RTL1: variants seen among roughly 807,000 people sequenced by gnomAD.
RTL1 encodes retrotransposon-like protein 1.
For synonymous variants in RTL1, 727 were observed against 748.4 expected (o/e 0.97, Z 0.47); for missense variants, 1,681 against 1,767.5 (o/e 0.95, Z 0.88).
chr14:100,890,541 G>A (rs2038760279), intron 3 of RTL1, among the ~76,000 whole-genome samples: 1 of 151,908 alleles, frequency 6.6e-6, no homozygotes, highest in Non-Finnish European at 1.5e-5. Context: ...AGCTGGTGAG[G>A]AGTGGGGAGG....
chr14:100,891,778 C>T (rs1197886192), intron 3 of RTL1, among the ~76,000 whole-genome samples: 5 of 152,178 alleles, frequency 3.3e-5, no homozygotes, highest in African/African-American at 7.2e-5. Flanking sequence ...AGGTCTGCAC[C>T]GGCCTCCTAG....
Position 100,881,142 on chromosome 14 carries a change from T to A in RTL1, c.3647A>T (p.Gln1216Leu). The change falls in exon 4 of 4, where the codon CAG (glutamine) becomes CTG (leucine). Residue 1216 changes from glutamine to leucine, a missense_variant. Transcript: ENST00000649591. This position sits in a 1 kb window ranked among gnomAD's most constrained non-coding sequence, Gnocchi z 6.6. Reference sequence around the variant, plus strand: ...GACGTGCAGCTCCAGGTAGCGGTTCTGACGCAGGGCAGGGAGGTGGCCCTC... The same window carrying A: ...GACGTGCAGCTCCAGGTAGCGGTTCAGACGCAGGGCAGGGAGGTGGCCCTC... ...PQEGHLPALRQNRYLELHVVG... is the reference protein window; with the variant it reads ...PQEGHLPALRLNRYLELHVVG... 3 of 1,555,822 alleles carry A rather than the reference T, an allele frequency of 1.9e-6. No individual in the cohort carries two copies. The highest frequency in any genetic ancestry group is 1.9e-5 in the Admixed American group (1 of 52,704).
Position 100,881,161 on chromosome 14 carries a change from G to T in RTL1, c.3628C>A (p.His1210Asn). 1 of 1,543,234 alleles carries T rather than the reference G, an allele frequency of 6.5e-7. No individual in the cohort carries two copies. The highest frequency in any genetic ancestry group is 8.8e-7 in the Non-Finnish European group (1 of 1,142,746). The change falls in exon 4 of 4, where the codon CAC becomes AAC. Residue 1210 changes from histidine (H) to asparagine (N), a missense_variant. By Grantham distance (68) the His-to-Asn change is moderately conservative. Transcript: ENST00000649591. The surrounding 1 kb of genome is among the most constrained non-coding windows in gnomAD (Gnocchi z 6.6). ...CGGTTCTGACGCAGGGCAGGGAGGT[G>T]GCCCTCCTGGGGGGTGACTCTGACA... ...FGVRVTPQEGHLPALRQNRYL... is the reference protein window; with the variant it reads ...FGVRVTPQEGNLPALRQNRYL...
At chr14:100,897,617 G>A (rs1007149646) in intron 2 of RTL1, 2 of 153,344 alleles carry the variant, frequency 1.3e-5, no homozygotes, top group Admixed American at 6.5e-5. Flanking sequence ...TCCTTCAAGA[G>A]TCTGCTTAGA....
chr14:100,885,030 G>T (rs528654264), intron 3 of RTL1, among the ~76,000 whole-genome samples, 156 bp from the exon 4 acceptor site: 2 of 152,334 alleles, frequency 1.3e-5, no homozygotes, highest in African/African-American at 2.4e-5. Context: ...CTCTTTGGCT[G>T]GTCACTTGGG....
In RTL1 at chr14:100,880,997, C is replaced by T. The variant is rs1455444372; in HGVS notation, c.3792G>A (p.Val1264=). 1.3e-6 allele frequency: 2 copies of T among 1,566,040 alleles called. No individual in the cohort carries two copies. The highest frequency in any genetic ancestry group is 8.7e-7 in the Non-Finnish European group (1 of 1,156,038). Reference sequence around the variant, plus strand: ...CTGTGTGGCTGGGTGGGGCCTCCTGCACGTCGTTGTCCTGCTTGTCCTGCG... The same window carrying T: ...CTGTGTGGCTGGGTGGGGCCTCCTGTACGTCGTTGTCCTGCTTGTCCTGCG... The part of the protein sequence containing the change: ...DTSQDKQDND[V]QEAPPSHTAA... The change falls in exon 4 of 4, where the codon GTG becomes GTA. Residue 1264 remains valine (V), a synonymous_variant. Transcript: ENST00000649591.
intron 2 of RTL1, chr14:100,897,758 G>GC (rs773513212): frequency 1.6e-5 from 2 of 127,338 alleles, no homozygotes; most frequent in African/African-American, 8.1e-5. Context: ...TGGCGGGGGG[G>GC]GGGGTGGGGG....
chr14:100,897,763 T>TGGGGGGGGGGGGGGGGGGG (rs1566760864), intron 2 of RTL1: 1 of 26,742 alleles, frequency 3.7e-5, no homozygotes, highest in Non-Finnish European at 7.4e-5. Flanking sequence ...GGGGGGGGGG[T>TGGGGGGGGGGGGGGGGGGG]GGGGGGGTGG....
chr14:100,881,686 T>C lies in RTL1; in HGVS notation c.3103A>G (p.Asn1035Asp). Residue 1035 changes from asparagine (N) to aspartate (D), a missense_variant, in exon 4 of 4, where the codon AAT (asparagine) becomes GAT (aspartate). Transcript: ENST00000649591. The surrounding 1 kb of genome is among the most constrained non-coding windows in gnomAD (Gnocchi z 6.6). The part of the protein sequence containing the change: ...DPSTESGEEE[N>D]EEQDELNEQI... Reference sequence around the variant, plus strand: ...TCATTGAGCTCATCCTGTTCTTCATTCTCTTCTTCCCCGGATTCCGTCGAT... The same window carrying C: ...TCATTGAGCTCATCCTGTTCTTCATCCTCTTCTTCCCCGGATTCCGTCGAT... 6.4e-7 allele frequency: 1 copy of C among 1,558,700 alleles called. No homozygotes were observed. The highest frequency in any genetic ancestry group is 8.7e-7 in the Non-Finnish European group (1 of 1,150,724).
At position 100,881,748 on chromosome 14, in the gene RTL1, G is replaced by T. The variant is rs1421820183; in HGVS notation, c.3041C>A (p.Thr1014Asn). 4 of 1,611,496 alleles carry T rather than the reference G, an allele frequency of 2.5e-6. No individual in the cohort carries two copies. Among genetic ancestry groups the T allele is most frequent in the Non-Finnish European group, 3.4e-6 (4 of 1,178,672 alleles). ...GAATCCCCTTGAGGCCAGCAGCAGG[G>T]TTTGCCTGGCGGCAGTGTTCCTCTG... is the stretch of plus-strand genomic sequence containing the variant. Reference protein sequence around the residue: ...AFQRNTAARQTLLLASRGFPR... With the variant: ...AFQRNTAARQNLLLASRGFPR... Residue 1014 changes from threonine (T) to asparagine (N), a missense_variant, in exon 4 of 4, where the codon ACC becomes AAC. Transcript: ENST00000649591. This position sits in a 1 kb window ranked among gnomAD's most constrained non-coding sequence, Gnocchi z 6.6.
chr14:100,885,626 T>C (rs745841030), intron 3 of RTL1, among the ~76,000 whole-genome samples: 1 of 152,096 alleles, frequency 6.6e-6, no homozygotes, highest in African/African-American at 2.4e-5. Flanking sequence ...CCAATTTCTC[T>C]TTCTCGATTT....
chr14:100,881,523 G>A lies in RTL1; in HGVS notation c.3266C>T (p.Thr1089Ile). Reference protein sequence around the residue: ...FFRGLLYWKNTLALAAILVLL... With the variant: ...FFRGLLYWKNILALAAILVLL... ...CACGAGGATGGCTGCCAGGGCTAGG[G>A]TGTTCTTCCAGTACAGGAGGCCTCG... The change falls in exon 4 of 4, where the codon ACC (threonine) becomes ATC (isoleucine). Residue 1089 changes from threonine (T) to isoleucine (I), a missense_variant. By Grantham distance (89) the Thr-to-Ile change is moderately conservative (BLOSUM62 -1). Coordinates refer to ENST00000649591, the MANE Select transcript of RTL1 (RefSeq NM_001134888.3). The surrounding 1 kb of genome is among the most constrained non-coding windows in gnomAD (Gnocchi z 6.6). 1.9e-6 allele frequency: 3 copies of A among 1,551,738 alleles called. No individual in the cohort carries two copies. The highest frequency in any genetic ancestry group is 2.4e-5 in the South Asian group (2 of 84,068).
chr14:100,891,300 T>C (rs2038774182), intron 3 of RTL1, among the ~76,000 whole-genome samples: 1 of 152,214 alleles, frequency 6.6e-6, no homozygotes, highest in Non-Finnish European at 1.5e-5. Flanking sequence ...ATTCCCTCTC[T>C]TCCCCTATGG....
At chr14:100,901,058 A>G (rs1431268724) in intron 2 of RTL1, among the ~76,000 whole-genome samples, 1 of 152,176 alleles carries the variant, frequency 6.6e-6, no homozygotes, top group Non-Finnish European at 1.5e-5. Flanking sequence ...CTGCAACACG[A>G]TGCTGCCCCC....
chr14:100,894,141 C>T (rs2038821126), intron 2 of RTL1, among the ~76,000 whole-genome samples: 1 of 151,960 alleles, frequency 6.6e-6, no homozygotes, highest in Admixed American at 6.6e-5. Context: ...GAAACCTTGT[C>T]TCTACTAAAA....
At chr14:100,896,078 A>G (rs2038851612) in intron 2 of RTL1, among the ~76,000 whole-genome samples, 1 of 152,086 alleles carries the variant, frequency 6.6e-6, no homozygotes, top group Non-Finnish European at 1.5e-5. Context: ...CTCAAAAAAA[A>G]AAAAAAGAAA....
At chr14:100,886,167 AC>A (rs1169032676) in intron 3 of RTL1, among the ~76,000 whole-genome samples, 1 of 149,392 alleles carries the variant, frequency 6.7e-6, no homozygotes, top group Non-Finnish European at 1.5e-5. Flanking sequence ...TAAATTTAAC[AC>A]CTTTTGTTAC....
Position 100,880,575 on chromosome 14 carries a change from C to T in RTL1, c.*137G>A. On this transcript the variant is annotated 3_prime_UTR_variant, in exon 4 of 4. Transcript: ENST00000649591. ...ATGAGTTGAAGAAGTTGTTGCCCTT[C>T]ACAAGTGGGTTCCTCTTGGGTCAGG... The T allele has an allele frequency of 6.9e-7, 1 of 1,458,194 alleles. No homozygotes were observed. The highest frequency in any genetic ancestry group is 9.1e-7 in the Non-Finnish European group (1 of 1,104,894). 90.3% of individuals were successfully genotyped at this position (1,458,194 alleles called of 1,614,324 possible).
rs535281505 is a variant in RTL1 at position 100,884,681 on chromosome 14, C to G, written c.108G>C (p.Thr36=). Reference sequence around the variant, plus strand: ...CCTCTCCCCGCACTCCACTGCCCGACGTCGCCTCGGTGGTGTTGGATGAGC... The same window carrying G: ...CCTCTCCCCGCACTCCACTGCCCGAGGTCGCCTCGGTGGTGTTGGATGAGC... ...SEGSSNTTEA[T]SGSGVRGEAG... Residue 36 remains threonine (T), a synonymous_variant, in exon 4 of 4, where the codon ACG becomes ACC. Transcript: ENST00000649591. The G allele has an allele frequency of 3.1e-6, 5 of 1,613,750 alleles. No homozygotes were observed. Among genetic ancestry groups the G allele is most frequent in the Non-Finnish European group, 4.2e-6 (5 of 1,180,000 alleles).
Sources: allele counts gnomAD v4.1 joint callset (sites outside exome capture counted in the v4.1 genomes callset), GRCh38; gene constraint gnomAD v4.1.1; non-coding constraint Gnocchi (gnomAD v3.1); transcripts MANE v1.5; gene names NCBI Gene and HGNC (gene_info 2026-07-23, HGNC 2026-07-21).